Variants in IMMP2L observed in about 807,000 individuals in gnomAD.
IMMP2L encodes mitochondrial inner membrane protease subunit 2.
In IMMP2L, 18 loss-of-function variants were observed where a neutral mutation model predicts 19.3. The ratio of observed to expected loss-of-function variants is 0.93; its 90% CI spans 0.64 to 1.38. IMMP2L has a LOEUF of 1.38. IMMP2L is among the 40% of genes most tolerant of loss of function. The pLI is 0.00. For synonymous variants in IMMP2L, 76 were observed against 73.0 expected, an observed-to-expected ratio of 1.04 and a Z score of -0.21; for missense variants, 233 against 218.2, an observed-to-expected ratio of 1.07 and a Z score of -0.43.
chr7:111,501,889 C>A (rs1316626335), intron 2 of IMMP2L, among the ~76,000 whole-genome samples: 1 of 152,116 alleles, frequency 6.6e-6, no homozygotes, highest in Non-Finnish European at 1.5e-5. Flanking sequence ...TAAAGACCAT[C>A]AAGGCTAGGA....
chr7:110,781,950 C>T (rs1418913358), intron 5 of IMMP2L, among the ~76,000 whole-genome samples: 1 of 151,798 alleles, frequency 6.6e-6, no homozygotes, highest in Non-Finnish European at 1.5e-5. Flanking sequence ...AGAATGATCA[C>T]TTTCTTCAAT....
chr7:111,308,075 C>G (rs1453094102), intron 3 of IMMP2L, among the ~76,000 whole-genome samples: 1 of 151,904 alleles, frequency 6.6e-6, no homozygotes, highest in South Asian at 2.1e-4. Flanking sequence ...TATGCTTGTG[C>G]GTATCTGTCC....
chr7:111,312,028 T>G (rs1341796297), intron 3 of IMMP2L, among the ~76,000 whole-genome samples: 2 of 152,120 alleles, frequency 1.3e-5, no homozygotes, highest in African/African-American at 4.8e-5. Context: ...CACCAATGCA[T>G]TTCTCAATAT....
At chr7:110,785,903 C>T (rs1341867953) in intron 5 of IMMP2L, among the ~76,000 whole-genome samples, 3 of 151,692 alleles carry the variant, frequency 2.0e-5, no homozygotes, top group African/African-American at 7.3e-5. Context: ...TTTCATATTT[C>T]TATATCTAGT....
intron 5 of IMMP2L, among the ~76,000 whole-genome samples, chr7:110,884,199 T>C (rs1270043166): frequency 3.3e-5 from 5 of 152,070 alleles, no homozygotes; most frequent in Non-Finnish European, 7.4e-5. Context: ...AGTTATTTTG[T>C]GTGCTGGTGA....
chr7:111,309,494 G>A (rs971860887), intron 3 of IMMP2L, among the ~76,000 whole-genome samples: 2 of 152,036 alleles, frequency 1.3e-5, no homozygotes, highest in South Asian at 2.1e-4. Context: ...CATTTACTAT[G>A]TGGTATCTCC....
At chr7:110,705,289 G>T (rs1214010741) in intron 5 of IMMP2L, among the ~76,000 whole-genome samples, 1 of 152,132 alleles carries the variant, frequency 6.6e-6, no homozygotes, top group Non-Finnish European at 1.5e-5. Flanking sequence ...TAGTATACTA[G>T]AATGTTTTAG....
intron 3 of IMMP2L, among the ~76,000 whole-genome samples, chr7:111,055,162 C>G (rs1214609384): frequency 6.6e-6 from 1 of 152,032 alleles, no homozygotes; most frequent in Non-Finnish European, 1.5e-5. Flanking sequence ...GCAAGCTTCC[C>G]ATCTCAGCCT....
intron 3 of IMMP2L, among the ~76,000 whole-genome samples, chr7:111,125,678 T>C (rs1345366297): frequency 3.3e-5 from 5 of 152,180 alleles, no homozygotes; most frequent in African/African-American, 1.2e-4. Flanking sequence ...TAGGAAATTA[T>C]GTATTCACTT....
intron 1 of IMMP2L, among the ~76,000 whole-genome samples, chr7:111,537,387 T>A (rs1011012345): frequency 6.6e-6 from 1 of 152,058 alleles, no homozygotes; most frequent in Non-Finnish European, 1.5e-5. Flanking sequence ...TGAGCATTCA[T>A]GAAAAAAATA....
At chr7:110,932,636 G>T (rs970367900) in intron 4 of IMMP2L, among the ~76,000 whole-genome samples, 10 of 152,166 alleles carry the variant, frequency 6.6e-5, no homozygotes, top group African/African-American at 2.4e-4. Context: ...TTATAGGCGT[G>T]AGCCAATGGT....
At chr7:110,828,634 A>G (rs370966377) in intron 5 of IMMP2L, among the ~76,000 whole-genome samples, 1 of 152,178 alleles carries the variant, frequency 6.6e-6, no homozygotes, top group African/African-American at 2.4e-5. Flanking sequence ...AAAGAAATGT[A>G]TATGTCAAAT....
chr7:110,887,414 T>C (rs1810333028), intron 4 of IMMP2L, among the ~76,000 whole-genome samples: 1 of 152,126 alleles, frequency 6.6e-6, no homozygotes, highest in African/African-American at 2.4e-5. Flanking sequence ...TATAATGGTA[T>C]AATGTTTTTC....
Position 110,846,617 on chromosome 7 carries a change from C to T in IMMP2L, c.408+39976G>A, listed in dbSNP as rs561264423. Among the ~76,000 whole-genome samples, 3 of 152,132 alleles carry T rather than the reference C, an allele frequency of 2.0e-5. No homozygotes were observed. In the South Asian group the frequency reaches 6.2e-4, roughly 32 times the overall value. Reference sequence around the variant, plus strand: ...CTGACCTCAGATGATCCATCTGCCTCAGCCTCCCAAAATGCTGAGATTACA... The same window carrying T: ...CTGACCTCAGATGATCCATCTGCCTTAGCCTCCCAAAATGCTGAGATTACA... On this transcript the variant is annotated intron_variant, in intron 5 of 5. Transcript: ENST00000405709.
At chr7:110,748,941 C>G (rs1398860788) in intron 5 of IMMP2L, among the ~76,000 whole-genome samples, 1 of 152,136 alleles carries the variant, frequency 6.6e-6, no homozygotes, top group Non-Finnish European at 1.5e-5. Flanking sequence ...GCAATAGAAA[C>G]TATCATCAGC....
intron 3 of IMMP2L, among the ~76,000 whole-genome samples, chr7:111,484,706 C>A (rs1311840495): frequency 6.6e-6 from 1 of 152,112 alleles, no homozygotes; most frequent in Non-Finnish European, 1.5e-5. Flanking sequence ...ATCAAACCAA[C>A]ATCAATCTTC....
In IMMP2L at chr7:110,880,957, T is replaced by C. The variant is rs1226029457; in HGVS notation, c.408+5636A>G. ...AGAATAATTAAGACATAAGACAAAATTTGATTTGGTAGGAATGGAAGCTAA... is the reference window on the plus strand; with the variant it reads ...AGAATAATTAAGACATAAGACAAAACTTGATTTGGTAGGAATGGAAGCTAA... On this transcript the variant is annotated intron_variant, in intron 5 of 5. Coordinates refer to ENST00000405709, the MANE Select transcript of IMMP2L (RefSeq NM_032549.4). 2.0e-5 allele frequency among the ~76,000 whole-genome samples: 3 copies of C among 152,062 alleles called. No homozygotes were observed. In the South Asian group the frequency reaches 6.2e-4, roughly 32 times the overall value.
intron 3 of IMMP2L, among the ~76,000 whole-genome samples, chr7:111,412,243 T>C (rs1030689593): frequency 8.6e-5 from 13 of 151,770 alleles, no homozygotes; most frequent in African/African-American, 2.7e-4. Flanking sequence ...CTCTAGGTAA[T>C]TGACAGAACA....
rs369917377 is a variant in IMMP2L, at chr7:111,137,968, G to A, written c.240-174403C>T. Among the ~76,000 whole-genome samples, 9 of 152,226 alleles carry A rather than the reference G, an allele frequency of 5.9e-5. 1 individual carries two copies. In the East Asian group the frequency reaches 1.4e-3, roughly 23 times the overall value. ...GCTTCCTGAGGAGCTGGGATTACTG[G>A]CATGAGCCACCACACCCAGCTAATT... On this transcript the variant is annotated intron_variant, in intron 3 of 5. Coordinates refer to ENST00000405709, the MANE Select transcript of IMMP2L (RefSeq NM_032549.4).
Sources: allele counts gnomAD v4.1 joint callset (sites outside exome capture counted in the v4.1 genomes callset), GRCh38; gene constraint gnomAD v4.1.1; transcripts MANE v1.5; gene names NCBI Gene and HGNC (gene_info 2026-07-23, HGNC 2026-07-21).